MAOB: variants seen among roughly 807,000 people sequenced by gnomAD.
MAOB encodes the protein monoamine oxidase B.
Under a neutral mutation model 41.9 loss-of-function variants are expected in MAOB, and 15 were observed. The ratio of observed to expected loss-of-function variants is 0.36; its 90% CI spans 0.24 to 0.55. The LOEUF (loss-of-function observed/expected upper bound fraction) is 0.55, where lower values mean the gene tolerates loss of function less well. MAOB is among the 20% of genes least tolerant of loss of function. The probability of loss-of-function intolerance (pLI) is 0.86; values close to 1 mark genes in which losing one functional copy is unlikely to be tolerated. For synonymous variants in MAOB, 167 were observed against 144.2 expected, an observed-to-expected ratio of 1.16 and a Z score of -1.13; for missense variants, 345 against 398.7, an observed-to-expected ratio of 0.87 and a Z score of 1.15.
chrX:43,849,529 C>A (rs962736017), intron 1 of MAOB, among the ~76,000 whole-genome samples: 11 of 112,744 alleles, frequency 9.8e-5, no homozygotes, highest in Admixed American at 9.3e-4. Flanking sequence ...TTCATTCAGG[C>A]GAATGCAGCT....
intron 1 of MAOB, among the ~76,000 whole-genome samples, chrX:43,877,925 G>A (rs1449252135): frequency 8.9e-6 from 1 of 112,509 alleles, no homozygotes; most frequent in Non-Finnish European, 1.9e-5. Flanking sequence ...TTATTGGTTG[G>A]TGAAAAGAAG....
At chrX:43,812,634 G>A (rs2034762798) in intron 3 of MAOB, among the ~76,000 whole-genome samples, 1 of 112,555 alleles carries the variant, frequency 8.9e-6, no homozygotes, top group African/African-American at 3.2e-5. Flanking sequence ...GTCTTCTTTT[G>A]AGAAATGTCT....
At chrX:43,857,151 AGAGAGAGAGAGAG>A (rs2035301543) in intron 1 of MAOB, among the ~76,000 whole-genome samples, 1 of 62,471 alleles carries the variant, frequency 1.6e-5, no homozygotes, top group Non-Finnish European at 2.8e-5. Context: ...AGAGAGAGAG[AGAGAGAGAGAGAG>A]AAGAAGAGAG....
chrX:43,774,643 A>G (rs2034229187), intron 12 of MAOB, among the ~76,000 whole-genome samples: 1 of 111,639 alleles, frequency 9.0e-6, no homozygotes, highest in Non-Finnish European at 1.9e-5. Flanking sequence ...CTTCATGCCC[A>G]GTCTAGAACT....
intron 1 of MAOB, among the ~76,000 whole-genome samples, chrX:43,859,430 A>G (rs2035318120): frequency 8.9e-6 from 1 of 111,977 alleles, no homozygotes; most frequent in African/African-American, 3.2e-5. Flanking sequence ...TTTCCATTGT[A>G]CAAAATGGCT....
rs1205140383 is a variant in MAOB at position 43,774,873 on chromosome X, T to C, written c.1235+302A>G. ...GATGTGTTTTGATACAGGCATGCAA[T>C]GCGTAATAATCATATCATGAAGAAT... On this transcript the variant is annotated intron_variant, in intron 12 of 14. Coordinates refer to ENST00000378069, the MANE Select transcript of MAOB (RefSeq NM_000898.5). Among the ~76,000 whole-genome samples, 4 of 111,518 alleles carry C rather than the reference T, an allele frequency of 3.6e-5. No homozygotes were observed. The East Asian group carries it at 8.5e-4, about 24-fold the overall frequency.
intron 1 of MAOB, among the ~76,000 whole-genome samples, chrX:43,851,995 A>G (rs1455180716): frequency 8.9e-6 from 1 of 111,878 alleles, no homozygotes; most frequent in Non-Finnish European, 1.9e-5. Flanking sequence ...CCAGAACCAA[A>G]TGAAAACACC....
At chrX:43,837,696 T>C (rs964571981) in intron 3 of MAOB, among the ~76,000 whole-genome samples, 38 of 112,379 alleles carry the variant, frequency 3.4e-4, no homozygotes, top group Admixed American at 9.4e-5. Context: ...AAATCAAAAT[T>C]GACCGTTGCT....
chrX:43,805,384 C>A (rs1280018516), intron 3 of MAOB, among the ~76,000 whole-genome samples: 1 of 111,620 alleles, frequency 9.0e-6, no homozygotes, highest in Non-Finnish European at 1.9e-5. Context: ...TATGTAACTA[C>A]CACTCCAATC....
chrX:43,781,106 A>G (rs1443156243), intron 9 of MAOB, among the ~76,000 whole-genome samples: 1 of 111,153 alleles, frequency 9.0e-6, no homozygotes, highest in Non-Finnish European at 1.9e-5. Flanking sequence ...AGCCTCCACA[A>G]GAAGTCTCTT....
intron 3 of MAOB, among the ~76,000 whole-genome samples, chrX:43,815,830 A>G (rs951987637): frequency 6.2e-5 from 7 of 112,192 alleles, no homozygotes; most frequent in Non-Finnish European, 1.3e-4. Flanking sequence ...CTGCATGTAC[A>G]CATTACTATG....
At chrX:43,880,323 G>T (rs763457607) in intron 1 of MAOB, among the ~76,000 whole-genome samples, 1 of 111,855 alleles carries the variant, frequency 8.9e-6, no homozygotes, top group East Asian at 2.8e-4. Context: ...CAAGTCTTCC[G>T]GGGCAAGAAC....
At chrX:43,853,285 A>AAAAAG (rs1365710764) in intron 1 of MAOB, among the ~76,000 whole-genome samples, 19 of 107,907 alleles carry the variant, frequency 1.8e-4, no homozygotes, top group East Asian at 1.2e-3. Flanking sequence ...AAAAAAAAAA[A>AAAAAG]AAAAGAAAAG....
intron 3 of MAOB, among the ~76,000 whole-genome samples, chrX:43,831,378 A>G (rs1285428738): frequency 9.0e-6 from 1 of 111,653 alleles, no homozygotes; most frequent in African/African-American, 3.3e-5. Context: ...ACTAAAAAGT[A>G]CAAAGAAGAA....
Position 43,793,591 on chromosome X carries a change from C to T in MAOB, c.769-13G>A, listed in dbSNP as rs1324222435. 1 of 1,181,347 alleles carries T rather than the reference C, an allele frequency of 8.5e-7. No homozygotes were observed. The highest frequency in any genetic ancestry group is 1.1e-6 in the Non-Finnish European group (1 of 877,420). On this transcript the variant is annotated splice_polypyrimidine_tract_variant and intron_variant, in intron 7 of 14. Transcript: ENST00000378069. ...TCACATATTTAGCCTGAAAGAAAAG[C>T]AACATGGTTAAACATTGTTGCCGTG...
chrX:43,881,373 G>GC (rs1020913332), intron 1 of MAOB, among the ~76,000 whole-genome samples: 1 of 113,207 alleles, frequency 8.8e-6, no homozygotes, highest in African/African-American at 3.2e-5. Context: ...GTACTAGGCA[G>GC]CGTTAGGAGG....
chrX:43,774,928 C>A (rs930262880), intron 12 of MAOB, among the ~76,000 whole-genome samples: 1 of 111,138 alleles, frequency 9.0e-6, no homozygotes, highest in African/African-American at 3.3e-5. Flanking sequence ...ATGCTGAAAC[C>A]TTCTATGGTT....
At position 43,806,043 on chromosome X, in the gene MAOB, T is replaced by A. The variant is rs192846495; in HGVS notation, c.280-2639A>T. 2.7e-5 allele frequency among the ~76,000 whole-genome samples: 3 copies of A among 112,661 alleles called. No individual in the cohort carries two copies. The East Asian group carries it at 8.4e-4, about 31-fold the overall frequency. On this transcript the variant is annotated intron_variant, in intron 3 of 14. Transcript: ENST00000378069. ...GTAACTTTGTTTTACAAAGTAATAT[T>A]TGTTTTATAAAAAAGTTGCAAAGAT...
chrX:43,798,968 G>A (rs1194350357), intron 5 of MAOB, among the ~76,000 whole-genome samples: 1 of 111,592 alleles, frequency 9.0e-6, no homozygotes, highest in African/African-American at 3.3e-5. Context: ...CGCAAAACTC[G>A]TGCTTTTGAT....
Sources: gnomAD v4.1 joint callset for allele counts (sites outside exome capture counted in the v4.1 genomes callset) on GRCh38, gnomAD v4.1.1 for gene constraint, MANE v1.5 for transcripts, NCBI Gene and HGNC (gene_info 2026-07-23, HGNC 2026-07-21) for gene names.